Variants in MYH2 observed in about 807,000 individuals in gnomAD.
The protein encoded by MYH2 is myosin heavy chain 2, also known as myosin-2.
MYH2 carries 139 observed loss-of-function variants against 228.1 expected under a neutral mutation model. That is an observed-to-expected ratio of 0.61 (90% CI 0.53 to 0.70). The LOEUF (loss-of-function observed/expected upper bound fraction) is 0.70. Among genes scored for constraint, MYH2 ranks in the 30% least tolerant of loss-of-function variants. The pLI, the probability that MYH2 is intolerant of heterozygous loss-of-function variation, is 0.00. For synonymous variants in MYH2, 796 were observed against 871.1 expected, an observed-to-expected ratio of 0.91 and a Z score of 1.52; for missense variants, 1,809 against 2,357.5, an observed-to-expected ratio of 0.77 and a Z score of 4.82.
At chr17:10,544,060 G>A (rs2073594355) in intron 6 of MYH2, 40 bp downstream of exon 6, 2 of 1,613,994 alleles carry the variant, frequency 1.2e-6, no homozygotes, top group African/African-American at 1.3e-5. Flanking sequence ...AAACCTAGCA[G>A]CTATCACAGC....
rs370711777 is a variant in MYH2, at chr17:10,543,694, G to A, written c.741+17C>T. 77 of 1,613,764 alleles carry A rather than the reference G, an allele frequency of 4.8e-5. No individual in the cohort carries two copies. The highest frequency in any genetic ancestry group is 3.5e-4 in the African/African-American group (26 of 74,926). On this transcript the variant is annotated intron_variant, in intron 8 of 39. Coordinates refer to ENST00000245503, the MANE Select transcript of MYH2 (RefSeq NM_017534.6). The stretch of plus-strand genomic sequence containing the variant: ...TGACCAGTGAACAGCATCTATTAGC[G>A]TGTCCAAGAGACTTACAAAGCGAGA...
At chr17:10,536,819 G>A (rs1265189013) in intron 16 of MYH2, among the ~76,000 whole-genome samples, 1 of 152,174 alleles carries the variant, frequency 6.6e-6, no homozygotes, top group African/African-American at 2.4e-5. Flanking sequence ...ATATTCACCT[G>A]ACCGTATAGA....
chr17:10,533,353 A>G lies in MYH2; in HGVS notation c.2373T>C (p.Ile791=). ...CTCTGCACCTGGCCTGGGTTCGGGTAATCAGCTGGGCCAGCTTGTCATCTC... is the reference window on the plus strand; with the variant it reads ...CTCTGCACCTGGCCTGGGTTCGGGTGATCAGCTGGGCCAGCTTGTCATCTC... ...EMRDDKLAQL[I]TRTQARCRGF... The change falls in exon 21 of 40, where the codon ATT becomes ATC. Residue 791 remains isoleucine (I), a synonymous_variant. Transcript: ENST00000245503. 2 of 1,614,224 alleles carry G rather than the reference A, an allele frequency of 1.2e-6. No individual in the cohort carries two copies. Among genetic ancestry groups the G allele is most frequent in the Non-Finnish European group, 1.7e-6 (2 of 1,180,028 alleles).
Position 10,525,519 on chromosome 17 carries a change from ATCT to A in MYH2, c.4466_4468del (p.Lys1489del). ...CAAAGATTCCTCATAGGCATTCTTT[ATCT>A]TGAACAGCTCAGTGCCAAGGGAACG... On this transcript the variant is annotated inframe_deletion, in exon 32 of 40. Transcript: ENST00000245503. The surrounding 1 kb of genome is among the most constrained non-coding windows in gnomAD (Gnocchi z 4.2). The A allele has an allele frequency of 1.2e-6, 2 of 1,614,228 alleles. No homozygotes were observed. Among genetic ancestry groups the A allele is most frequent in the Admixed American group, 1.7e-5 (1 of 60,022 alleles).
chr17:10,544,037 C>G (rs771346069), intron 6 of MYH2, 21 bp from the exon 7 acceptor site: 1 of 1,614,162 alleles, frequency 6.2e-7, no homozygotes, highest in African/African-American at 1.3e-5. Flanking sequence ...AAAACTCAAT[C>G]AGATGTGGTC....
At chr17:10,530,474 A>G (rs1423963087) in intron 22 of MYH2, among the ~76,000 whole-genome samples, 2 of 151,754 alleles carry the variant, frequency 1.3e-5, no homozygotes, top group Non-Finnish European at 2.9e-5. Flanking sequence ...TGTGGAGAGG[A>G]GCAGGAGGGT....
chr17:10,542,840 C>T, intron 10 of MYH2, 35 bp downstream of exon 10: 1 of 1,416,364 alleles, frequency 7.1e-7, no homozygotes, highest in Non-Finnish European at 1.0e-6. Flanking sequence ...GGTACTGATG[C>T]AGTAATTCTG....
Position 10,521,329 on chromosome 17 carries a change from A to C in MYH2, c.5777T>G (p.Leu1926Arg), listed in dbSNP as rs756130400. 19 of 1,614,010 alleles carry C rather than the reference A, an allele frequency of 1.2e-5. No homozygotes were observed. Among genetic ancestry groups the C allele is most frequent in the Non-Finnish European group, 1.5e-5 (18 of 1,180,036 alleles). The change falls in exon 40 of 40, where the codon CTG (leucine) becomes CGG (arginine). Residue 1926 changes from leucine to arginine, a missense_variant. Leu to Arg is a moderately radical substitution (Grantham distance 102, BLOSUM62 -2). Transcript: ENST00000245503. ...GTGAACCTCCCGGCTCTTCACCCGC[A>C]GTTTGTTCACCTGGGACTCAGCAAT... ...ADIAESQVNK[L>R]RVKSREVHTK...
At chr17:10,545,203 TCCTGGA>T in intron 5 of MYH2, 137 bp downstream of exon 5, 1 of 1,523,846 alleles carries the variant, frequency 6.6e-7, no homozygotes, top group Non-Finnish European at 9.1e-7. Context: ...TTTCTCCCCT[TCCTGGA>T]CCTTCTCCTT....
At chr17:10,541,995 C>T (rs546149425) in intron 10 of MYH2, among the ~76,000 whole-genome samples, 87 of 152,202 alleles carry the variant, frequency 5.7e-4, no homozygotes, top group African/African-American at 1.7e-3. Flanking sequence ...ATAAAATGGC[C>T]GGGCACAGTG....
chr17:10,526,257 G>T (rs1268117610), intron 30 of MYH2, among the ~76,000 whole-genome samples: 17 of 152,232 alleles, frequency 1.1e-4, no homozygotes, highest in Admixed American at 1.1e-3. Context: ...AAGTCAGAGA[G>T]CCAAAGGGAA....
chr17:10,537,774 T>C lies in MYH2; in HGVS notation c.1478A>G (p.Asn493Ser). ...CTGCTCCAGCACGAACATGTGGTGG[T>C]TGAAAAACTGTTGCAGTTTCTCATT... ...FTNEKLQQFF[N>S]HHMFVLEQEE... The change falls in exon 15 of 40, where the codon AAC (asparagine) becomes AGC (serine). Residue 493 changes from asparagine (N) to serine (S), a missense_variant. This residue lies in a region of MYH2 where 373 missense variants were observed against 620.4 expected (regional missense o/e 0.60). Coordinates refer to ENST00000245503, the MANE Select transcript of MYH2 (RefSeq NM_017534.6). The surrounding 1 kb of genome is among the most constrained non-coding windows in gnomAD (Gnocchi z 4.0). The C allele has an allele frequency of 6.2e-7, 1 of 1,614,208 alleles. No individual in the cohort carries two copies. The highest frequency in any genetic ancestry group is 1.3e-5 in the African/African-American group (1 of 75,038).
Position 10,526,634 on chromosome 17 carries a change from G to A in MYH2, c.4152C>T (p.Asp1384=), listed in dbSNP as rs779665835. The change falls in exon 30 of 40, where the codon GAC becomes GAT. Residue 1384 remains aspartate (D), a synonymous_variant. Coordinates refer to ENST00000245503, the MANE Select transcript of MYH2 (RefSeq NM_017534.6). ...CCAGCTCCTCTGTGCGCTGGATGGC[G>A]TCCGTCTCGTATTTGGTCCTCCATT... is the stretch of plus-strand genomic sequence containing the variant. ...VAQWRTKYET[D]AIQRTEELEE... 3.3e-5 allele frequency: 53 copies of A among 1,614,002 alleles called. No homozygotes were observed. The highest frequency in any genetic ancestry group is 1.7e-4 in the Middle Eastern group (1 of 6,056).
At chr17:10,541,457 C>CTAGTAAATTTAACCGGTTTG (rs1358721188) in intron 10 of MYH2, among the ~76,000 whole-genome samples, 2 of 152,168 alleles carry the variant, frequency 1.3e-5, no homozygotes, top group Admixed American at 1.3e-4. Context: ...AAATTTTAAT[C>CTAGTAAATTTAACCGGTTTG]AGACCGGTTG....
rs748670485 is a variant in MYH2, at chr17:10,529,448, G to A, written c.3151C>T (p.Arg1051Cys). Reference protein sequence around the residue: ...EGSLEQEKKLRMDLERAKRKL... With the variant: ...EGSLEQEKKLCMDLERAKRKL... ...CTCTTAGCCCTTTCTAGGTCCATGCGAAGTTTCTTTTCTTGCTCCAAGGAC... is the reference window on the plus strand; with the variant it reads ...CTCTTAGCCCTTTCTAGGTCCATGCAAAGTTTCTTTTCTTGCTCCAAGGAC... The change falls in exon 25 of 40, where the codon CGC becomes TGC. Residue 1051 changes from arginine to cysteine, a missense_variant. Arg to Cys is a radical substitution (Grantham distance 180, BLOSUM62 -3). Around this residue, in one of 9 missense-constraint regions of MYH2, gnomAD observed 636 missense variants for 729.9 expected, o/e 0.87. Coordinates refer to ENST00000245503, the MANE Select transcript of MYH2 (RefSeq NM_017534.6). 23 of 1,614,028 alleles carry A rather than the reference G, an allele frequency of 1.4e-5. No individual in the cohort carries two copies. Among genetic ancestry groups the A allele is most frequent in the Admixed American group, 3.3e-5 (2 of 59,996 alleles).
rs143555593 is a variant in MYH2, at chr17:10,539,165, C to G, written c.1416+40G>C. 6.5e-4 allele frequency: 1,051 copies of G among 1,613,596 alleles called. 9 individuals are homozygous for G. The East Asian group carries it at 0.01, about 15-fold the overall frequency. ...TCCTTCATATAGATATTTCCATTGC[C>G]TTACTGTAAAATCCTCTCACCAATC... On this transcript the variant is annotated intron_variant, in intron 14 of 39. Transcript: ENST00000245503.
intron 19 of MYH2, among the ~76,000 whole-genome samples, chr17:10,534,858 A>G (rs1390361280): frequency 6.6e-6 from 1 of 152,234 alleles, no homozygotes; most frequent in Non-Finnish European, 1.5e-5. Flanking sequence ...CAGAGGTTGC[A>G]GTGAACTGAG....
chr17:10,539,675 G>T, intron 12 of MYH2, 113 bp from the exon 13 acceptor site: 1 of 1,244,672 alleles, frequency 8.0e-7, no homozygotes, highest in Non-Finnish European at 1.2e-6. Flanking sequence ...ATCTCTTTCT[G>T]AGTATCCTTA....
rs1298950743 is a variant in MYH2, at chr17:10,537,778, A to G, written c.1474T>C (p.Phe492Leu). The change falls in exon 15 of 40, where the codon TTC (phenylalanine) becomes CTC (leucine). Residue 492 changes from phenylalanine (F) to leucine (L), a missense_variant. This residue lies in a region of MYH2 where 373 missense variants were observed against 620.4 expected (regional missense o/e 0.60). Transcript: ENST00000245503. The surrounding 1 kb of genome is among the most constrained non-coding windows in gnomAD (Gnocchi z 4.0). ...NFTNEKLQQFFNHHMFVLEQE... is the reference protein window; with the variant it reads ...NFTNEKLQQFLNHHMFVLEQE... ...TCCAGCACGAACATGTGGTGGTTGAAAAACTGTTGCAGTTTCTCATTGGTG... is the reference window on the plus strand; with the variant it reads ...TCCAGCACGAACATGTGGTGGTTGAGAAACTGTTGCAGTTTCTCATTGGTG... 6.2e-7 allele frequency: 1 copy of G among 1,614,198 alleles called. No homozygotes were observed. Among genetic ancestry groups the G allele is most frequent in the East Asian group, 2.2e-5 (1 of 44,884 alleles).
Sources: gnomAD v4.1 joint callset for allele counts (sites outside exome capture counted in the v4.1 genomes callset) on GRCh38, gnomAD v4.1.1 for gene constraint, gnomAD v4.1.1 regional missense constraint, Gnocchi (gnomAD v3.1) non-coding constraint, MANE v1.5 for transcripts, NCBI Gene and HGNC (gene_info 2026-07-23, HGNC 2026-07-21) for gene names.